The following NTAN1 variants were observed in gnomAD, a reference collection of about 807,000 sequenced individuals.
NTAN1 encodes the protein protein N-terminal asparagine amidohydrolase.
A neutral mutation model predicts 41.9 loss-of-function variants in NTAN1; 32 were observed. That is an observed-to-expected ratio of 0.76 (90% CI 0.58 to 1.03). NTAN1 has a LOEUF of 1.03. Among genes scored for constraint, NTAN1 ranks in the 50% least tolerant of loss-of-function variants. The pLI is 0.00. For synonymous variants in NTAN1, 140 were observed against 139.5 expected (o/e 1.00, Z -0.03); for missense variants, 377 against 377.5 (o/e 1.00, Z 0.01).
chr16:15,041,072 G>T lies in NTAN1; in HGVS notation c.537C>A (p.Gly179=). The T allele has an allele frequency of 6.3e-7, 1 of 1,596,280 alleles. No homozygotes were observed. The highest frequency in any genetic ancestry group is 8.6e-7 in the Non-Finnish European group (1 of 1,163,728). The change falls in exon 7 of 10, where the codon GGC becomes GGA. Residue 179 remains glycine (G), a synonymous_variant. Transcript: ENST00000287706. ...ENENHFPVIY[G]IAVNIKTAEI... ...CAAAAGATGCACACTACTTACCAAT[G>T]CCATATATTACTGGAAAGTGGTTTT...
rs547632674 is a variant in NTAN1 at position 15,037,968 on chromosome 16, C to T, written c.*63G>A. 93 of 1,244,680 alleles carry T rather than the reference C, an allele frequency of 7.5e-5. No individual in the cohort carries two copies. Among genetic ancestry groups the T allele is most frequent in the East Asian group, 1.6e-4 (7 of 42,980 alleles). The allele number at this position is 1,244,680 out of a possible 1,614,324, so 77.1% of individuals were successfully genotyped here. ...CAGATGTAGGATCCAGATCTGGATT[C>T]GTGCCAGCCCCACCAATGGTCTGTC... On this transcript the variant is annotated 3_prime_UTR_variant, in exon 10 of 10. Transcript: ENST00000287706.
chr16:15,052,148 C>G (rs751565629), intron 1 of NTAN1, among the ~76,000 whole-genome samples: 3 of 152,092 alleles, frequency 2.0e-5, no homozygotes, highest in Non-Finnish European at 4.4e-5. Context: ...TCTACAAGGC[C>G]GCAGTCTCTG....
chr16:15,040,315 A>C, intron 7 of NTAN1: 5 of 393,732 alleles, frequency 1.3e-5, no homozygotes, highest in Non-Finnish European at 1.3e-5. Context: ...TGCTTTCCAC[A>C]TGGGAGGCAG....
At chr16:15,047,725 A>G (rs1196174724) in intron 3 of NTAN1, 130 bp downstream of exon 3, 4 of 925,626 alleles carry the variant, frequency 4.3e-6, no homozygotes, top group African/African-American at 3.3e-5. Context: ...GGGAGACACC[A>G]TGCAGACCAG....
chr16:15,052,710 T>C (rs1235035691), intron 1 of NTAN1, among the ~76,000 whole-genome samples: 1 of 151,900 alleles, frequency 6.6e-6, no homozygotes, highest in Non-Finnish European at 1.5e-5. Context: ...GGCAGATGTC[T>C]GATACTCAGG....
chr16:15,040,708 T>C (rs1278114501), intron 7 of NTAN1, among the ~76,000 whole-genome samples: 1 of 152,076 alleles, frequency 6.6e-6, no homozygotes, highest in African/African-American at 2.4e-5. Flanking sequence ...AGTGCCTGCC[T>C]TCCTCCCCCA....
intron 4 of NTAN1, chr16:15,044,860 C>G (rs2043980758): frequency 6.4e-6 from 1 of 156,142 alleles, no homozygotes; most frequent in Non-Finnish European, 1.4e-5. Flanking sequence ...GTGGCTCACG[C>G]CTGTAATCCC....
In NTAN1 at chr16:15,040,046, C is replaced by T; in HGVS notation, c.562G>A (p.Glu188Lys). 1 of 1,609,038 alleles carries T rather than the reference C, an allele frequency of 6.2e-7. No individual in the cohort carries two copies. Among genetic ancestry groups the T allele is most frequent in the Non-Finnish European group, 8.5e-7 (1 of 1,175,672 alleles). Reference protein sequence around the residue: ...YGIAVNIKTAEIYRASFQDRG... With the variant: ...YGIAVNIKTAKIYRASFQDRG... The stretch of plus-strand genomic sequence containing the variant: ...TCTTGAAAGGATGCTCTGTAAATCT[C>T]TGCAGTCTTAATGTTGACAGCTGTG... The change falls in exon 8 of 10, where the codon GAG (glutamate) becomes AAG (lysine). Residue 188 changes from glutamate to lysine, a missense_variant. Glu to Lys is a moderately conservative substitution (Grantham distance 56). Coordinates refer to ENST00000287706, the MANE Select transcript of NTAN1 (RefSeq NM_173474.4).
At chr16:15,046,186 C>T (rs550110980) in intron 4 of NTAN1, 1 of 152,442 alleles carries the variant, frequency 6.6e-6, no homozygotes, top group Admixed American at 6.5e-5. Flanking sequence ...GCCAGCCCAG[C>T]CTTGGCACAG....
Position 15,038,026 on chromosome 16 carries a change from G to GT in NTAN1, c.*4dup, listed in dbSNP as rs762768026. 6.2e-7 allele frequency: 1 copy of GT among 1,607,864 alleles called. No individual in the cohort carries two copies. Among genetic ancestry groups the GT allele is most frequent in the Admixed American group, 1.7e-5 (1 of 58,720 alleles). ...GAAGGTGCTTTCTTTGGTAATTCATGTTTTTTAACTTCCTGGAGAAGAGAT... is the reference window on the plus strand; with the variant it reads ...GAAGGTGCTTTCTTTGGTAATTCATGTTTTTTTAACTTCCTGGAGAAGAGAT... On this transcript the variant is annotated 3_prime_UTR_variant, in exon 10 of 10. Coordinates refer to ENST00000287706, the MANE Select transcript of NTAN1 (RefSeq NM_173474.4).
At chr16:15,045,522 A>G (rs1318553022) in intron 4 of NTAN1, 2 of 151,640 alleles carry the variant, frequency 1.3e-5, no homozygotes, top group Middle Eastern at 3.2e-3. Context: ...CTCTATTCCC[A>G]GCTACGCGGG....
At chr16:15,055,363 C>T (rs536467427) in intron 1 of NTAN1, among the ~76,000 whole-genome samples, 1 of 152,208 alleles carries the variant, frequency 6.6e-6, no homozygotes, top group Non-Finnish European at 1.5e-5. Flanking sequence ...AAAAATAACT[C>T]GGCGCCCTAC....
chr16:15,051,331 A>G (rs1415668416), intron 1 of NTAN1, among the ~76,000 whole-genome samples: 2 of 152,240 alleles, frequency 1.3e-5, no homozygotes, highest in African/African-American at 2.4e-5. Flanking sequence ...CCAGAAAACT[A>G]AAACAGTAGA....
rs2043742220 is a variant in NTAN1 at position 15,040,073 on chromosome 16, G to A, written c.542-7C>T. The A allele has an allele frequency of 6.6e-7, 1 of 1,516,452 alleles. No individual in the cohort carries two copies. The highest frequency in any genetic ancestry group is 9.1e-7 in the Non-Finnish European group (1 of 1,093,858). 93.9% of individuals were successfully genotyped at this position (1,516,452 alleles called of 1,614,324 possible). On this transcript the variant is annotated splice_polypyrimidine_tract_variant and splice_region_variant and intron_variant, in intron 7 of 9. Coordinates refer to ENST00000287706, the MANE Select transcript of NTAN1 (RefSeq NM_173474.4). ...GCAGTCTTAATGTTGACAGCTGTGA[G>A]GGACAACAGGATGACTCTGAATTGA...
chr16:15,047,915 T>G lies in NTAN1; in HGVS notation c.190A>C (p.Ile64Leu). ...LAVTSPKDGSISILGSDDATT... is the reference protein window; with the variant it reads ...LAVTSPKDGSLSILGSDDATT... ...GCATCATCAGAACCCAGAATGGAGA[T>G]GGAGCCTGTTTAAAAAAGAAATAAA... Residue 64 changes from isoleucine to leucine, a missense_variant, in exon 3 of 10, where the codon ATC becomes CTC. Coordinates refer to ENST00000287706, the MANE Select transcript of NTAN1 (RefSeq NM_173474.4). 6.2e-7 allele frequency: 1 copy of G among 1,613,338 alleles called. No individual in the cohort carries two copies. The highest frequency in any genetic ancestry group is 8.5e-7 in the Non-Finnish European group (1 of 1,179,268).
intron 1 of NTAN1, among the ~76,000 whole-genome samples, chr16:15,052,123 G>A (rs1386337228): frequency 1.3e-5 from 2 of 152,118 alleles, no homozygotes; most frequent in Admixed American, 6.6e-5. Flanking sequence ...AGGCCAGACA[G>A]TAAATATTTG....
chr16:15,040,845 C>A (rs1302833635), intron 7 of NTAN1, among the ~76,000 whole-genome samples: 2 of 152,158 alleles, frequency 1.3e-5, no homozygotes, highest in African/African-American at 4.8e-5. Context: ...TACCACGTTG[C>A]TTCTTCAAAG....
chr16:15,053,416 C>A (rs997637406), intron 1 of NTAN1, among the ~76,000 whole-genome samples: 1 of 152,206 alleles, frequency 6.6e-6, no homozygotes, highest in Non-Finnish European at 1.5e-5. Flanking sequence ...ACTCCATACT[C>A]AGAACACATC....
intron 5 of NTAN1, among the ~76,000 whole-genome samples, chr16:15,042,183 ATC>A (rs2043845928): frequency 1.4e-5 from 2 of 144,444 alleles, no homozygotes; most frequent in African/African-American, 5.0e-5. Flanking sequence ...ACAATTTTAT[ATC>A]TTTTTTTTTT....
Sources: allele counts gnomAD v4.1 joint callset (sites outside exome capture counted in the v4.1 genomes callset), GRCh38; gene constraint gnomAD v4.1.1; transcripts MANE v1.5; gene names NCBI Gene and HGNC (gene_info 2026-07-23, HGNC 2026-07-21).